The following XIRP2 variants were observed in gnomAD, a reference collection of about 807,000 sequenced individuals.
XIRP2 encodes the protein xin actin binding repeat containing 2.
In XIRP2, 236 loss-of-function variants were observed where a neutral mutation model predicts 277.0. The ratio of observed to expected loss-of-function variants is 0.85; its 90% confidence interval spans 0.77 to 0.95. XIRP2 has a LOEUF of 0.95. Ranked by LOEUF, XIRP2 falls within the 40% of genes least tolerant of loss-of-function variation. The probability of loss-of-function intolerance (pLI) is 0.00; values close to 1 mark genes in which losing one functional copy is unlikely to be tolerated. For missense variants in XIRP2, 4,640 were observed against 4,157.5 expected (o/e 1.12, Z -3.19); for synonymous variants, 1,490 against 1,416.5 (o/e 1.05, Z -1.17).
chr2:167,009,665 G>A (rs1324368186), intron 2 of XIRP2, among the ~76,000 whole-genome samples: 1 of 151,896 alleles, frequency 6.6e-6, no homozygotes, highest in African/African-American at 2.4e-5. Flanking sequence ...GGTTGAACTA[G>A]TTTACAGTCC....
At chr2:167,108,829 T>C (rs1372595198) in intron 2 of XIRP2, among the ~76,000 whole-genome samples, 1 of 150,952 alleles carries the variant, frequency 6.6e-6, no homozygotes, top group Non-Finnish European at 1.5e-5. Flanking sequence ...GAGGGTTTTG[T>C]TGTGTTTTTT....
chr2:167,179,488 T>C (rs983500020), intron 3 of XIRP2, among the ~76,000 whole-genome samples: 6 of 151,886 alleles, frequency 4.0e-5, no homozygotes, highest in Non-Finnish European at 7.4e-5. Context: ...ACCTGGCTAA[T>C]TTTTTGTATC....
At chr2:166,911,906 A>T (rs1684714055) in intron 2 of XIRP2, among the ~76,000 whole-genome samples, 1 of 152,212 alleles carries the variant, frequency 6.6e-6, no homozygotes, top group East Asian at 1.9e-4. Flanking sequence ...TGGGTTGAAA[A>T]TACTTTTCTT....
At chr2:167,175,557 T>G (rs1692817494) in intron 3 of XIRP2, among the ~76,000 whole-genome samples, 1 of 152,084 alleles carries the variant, frequency 6.6e-6, no homozygotes, top group Non-Finnish European at 1.5e-5. Context: ...AGCTATCCTG[T>G]ATGAGGTGTC....
At chr2:166,928,413 A>G (rs1685244562) in intron 2 of XIRP2, among the ~76,000 whole-genome samples, 1 of 152,136 alleles carries the variant, frequency 6.6e-6, no homozygotes. Context: ...AACACTTAGT[A>G]TAAAAGGCTT....
At chr2:166,931,061 A>G (rs1685321262) in intron 2 of XIRP2, among the ~76,000 whole-genome samples, 1 of 152,188 alleles carries the variant, frequency 6.6e-6, no homozygotes, top group Non-Finnish European at 1.5e-5. Flanking sequence ...AGGACATGTC[A>G]TGAGCTCAAT....
At position 167,246,353 on chromosome 2, in the gene XIRP2, TA is replaced by T; in HGVS notation, c.4962del (p.Ile1654MetfsTer2). On this transcript the variant is annotated frameshift_variant, in exon 9 of 11. Coordinates refer to ENST00000409195, the MANE Select transcript of XIRP2 (RefSeq NM_152381.6). LOFTEE classifies it high-confidence loss of function. ...GAATTTCATGCTGAAAAAGAAGAGA[TA>T]GTGAAAGGTGATGTACAACAAGCAA... ...STEFHAEKEE[I>X]VKGDVQQAIK... 2 of 1,612,896 alleles carry T rather than the reference TA, an allele frequency of 1.2e-6. No individual in the cohort carries two copies. The highest frequency in any genetic ancestry group is 1.7e-6 in the Non-Finnish European group (2 of 1,179,570).
intron 2 of XIRP2, among the ~76,000 whole-genome samples, chr2:167,007,904 A>G (rs919440356): frequency 1.3e-5 from 2 of 151,586 alleles, no homozygotes; most frequent in South Asian, 2.1e-4. Flanking sequence ...TAATTAGGTT[A>G]TTATTTGGAT....
chr2:167,047,731 G>C lies in XIRP2; in HGVS notation c.409-88178G>C, dbSNP rs184812883. Among the ~76,000 whole-genome samples, 19 of 151,948 alleles carry C rather than the reference G, an allele frequency of 1.3e-4. No individual in the cohort carries two copies. The East Asian group carries it at 3.7e-3, about 29-fold the overall frequency. On this transcript the variant is annotated intron_variant, in intron 2 of 10. Coordinates refer to ENST00000409195, the MANE Select transcript of XIRP2 (RefSeq NM_152381.6). ...GCTCATGTCAGTTCTTATTTGCCAG[G>C]CATTTATTTTGATTTCTTTATGGCT...
chr2:166,892,362 A>C (rs1684125699), intron 1 of XIRP2, among the ~76,000 whole-genome samples: 1 of 152,178 alleles, frequency 6.6e-6, no homozygotes, highest in Admixed American at 6.6e-5. Context: ...GGGTGTTGGG[A>C]AACAGAGCAG....
intron 3 of XIRP2, among the ~76,000 whole-genome samples, chr2:167,196,921 T>A (rs1307322922): frequency 1.3e-5 from 2 of 152,176 alleles, no homozygotes; most frequent in Non-Finnish European, 2.9e-5. Context: ...GCTAGTTATT[T>A]TCTTCTGGAC....
intron 2 of XIRP2, among the ~76,000 whole-genome samples, chr2:167,005,081 TA>T (rs1687471640): frequency 6.6e-6 from 1 of 151,812 alleles, no homozygotes; most frequent in African/African-American, 2.4e-5. Context: ...TAATGTAAAA[TA>T]AAAAGTTCCA....
chr2:167,192,488 A>C (rs1693377573), intron 3 of XIRP2, among the ~76,000 whole-genome samples: 1 of 152,184 alleles, frequency 6.6e-6, no homozygotes, highest in African/African-American at 2.4e-5. Flanking sequence ...CTCCTGGGAG[A>C]GAGTGAACTA....
Position 167,257,974 on chromosome 2 carries a change from A to G in XIRP2, c.*157A>G. On this transcript the variant is annotated 3_prime_UTR_variant, in exon 11 of 11. Transcript: ENST00000409195. ...TTGGACATAAGCAGCATAAAGATAG[A>G]TGGAACTGCAAAAACCAAAGCAGAT... The G allele has an allele frequency of 6.2e-7, 1 of 1,613,174 alleles. No individual in the cohort carries two copies. Among genetic ancestry groups the G allele is most frequent in the Non-Finnish European group, 8.5e-7 (1 of 1,179,454 alleles).
chr2:167,026,013 T>G (rs971026083), intron 2 of XIRP2, among the ~76,000 whole-genome samples: 1 of 152,156 alleles, frequency 6.6e-6, no homozygotes. Context: ...GTATCCTTGT[T>G]AACTTTCTGT....
chr2:167,151,376 G>A (rs1201083245), intron 3 of XIRP2, among the ~76,000 whole-genome samples: 4 of 152,064 alleles, frequency 2.6e-5, no homozygotes, highest in African/African-American at 9.7e-5. Context: ...GCACAAAAAG[G>A]CTAACTGAAA....
intron 3 of XIRP2, among the ~76,000 whole-genome samples, chr2:167,169,842 T>A (rs1692633047): frequency 6.6e-6 from 1 of 152,186 alleles, no homozygotes; most frequent in Non-Finnish European, 1.5e-5. Context: ...CATTGTTGAA[T>A]ATATGGTTAT....
At chr2:167,049,631 TC>T (rs1465823654) in intron 2 of XIRP2, among the ~76,000 whole-genome samples, 2 of 152,056 alleles carry the variant, frequency 1.3e-5, no homozygotes, top group Non-Finnish European at 2.9e-5. Flanking sequence ...TTGAGAATTC[TC>T]TGCACAGAAA....
intron 3 of XIRP2, among the ~76,000 whole-genome samples, chr2:167,162,547 G>T (rs1009959525): frequency 6.6e-6 from 1 of 152,124 alleles, no homozygotes; most frequent in Non-Finnish European, 1.5e-5. Flanking sequence ...AGAACAGCAT[G>T]GGAAAGGCCT....
Sources: allele counts gnomAD v4.1 joint callset (sites outside exome capture counted in the v4.1 genomes callset), GRCh38; gene constraint gnomAD v4.1.1; transcripts MANE v1.5; gene names NCBI Gene and HGNC (gene_info 2026-07-23, HGNC 2026-07-21).